Variants in ZFHX2 observed in about 807,000 individuals in gnomAD.
ZFHX2 encodes the protein zinc finger homeobox protein 2.
In ZFHX2, 75 loss-of-function variants were observed where a neutral mutation model predicts 164.8. The observed-to-expected ratio is 0.46, with a 90% CI of 0.38 to 0.55. The LOEUF (loss-of-function observed/expected upper bound fraction) is 0.55. ZFHX2 is among the 20% of genes least tolerant of loss of function. The pLI, the probability that ZFHX2 is intolerant of heterozygous loss-of-function variation, is 0.00. For synonymous variants in ZFHX2, 1,217 were observed against 1,351.4 expected (o/e 0.90, Z 2.18); for missense variants, 2,933 against 3,308.0 (o/e 0.89, Z 2.78).
chr14:23,548,395 C>CGGG (rs1881607512), intron 1 of ZFHX2: 1 of 152,216 alleles, frequency 6.6e-6, no homozygotes, highest in African/African-American at 2.4e-5. Flanking sequence ...ACCAATTCGA[C>CGGG]CCAGGCCCTG....
In ZFHX2 at chr14:23,523,300, G is replaced by C. The variant is rs1233528718; in HGVS notation, c.6642C>G (p.Leu2214=). Residue 2214 remains leucine (L), a synonymous_variant, in exon 9 of 10, where the codon CTC becomes CTG. Coordinates refer to ENST00000419474, the MANE Select transcript of ZFHX2 (RefSeq NM_033400.3). The surrounding 1 kb of genome is among the most constrained non-coding windows in gnomAD (Gnocchi z 4.1). ...PPATTPASMP[L]GAAPTLPRLA... ...GGCGAGGCAAGGTTGGGGCAGCCCC[G>C]AGGGGCATGGAGGCAGGTGTGGTGG... 2 of 1,446,186 alleles carry C rather than the reference G, an allele frequency of 1.4e-6. No homozygotes were observed. Among genetic ancestry groups the C allele is most frequent in the East Asian group, 5.0e-5 (2 of 40,142 alleles). 89.6% of individuals were successfully genotyped at this position (1,446,186 alleles called of 1,614,324 possible).
chr14:23,535,280 G>A lies in ZFHX2; in HGVS notation c.46C>T (p.Pro16Ser), dbSNP rs1342149916. Residue 16 changes from proline (P) to serine (S), a missense_variant, in exon 2 of 10, where the codon CCT becomes TCT. By Grantham distance (74) the Pro-to-Ser change is moderately conservative. Coordinates refer to ENST00000419474, the MANE Select transcript of ZFHX2 (RefSeq NM_033400.3). The surrounding 1 kb of genome is among the most constrained non-coding windows in gnomAD (Gnocchi z 4.5). ...GGCAGGGACGGGGCATTGTGCCCAG[G>A]GGAGGGGGTGGTACCAGTGGTAGAG... ...SASTTGTTPS[P>S]GHNAPSLPSD... The A allele has an allele frequency of 6.7e-7, 1 of 1,486,352 alleles. No individual in the cohort carries two copies. The highest frequency in any genetic ancestry group is 1.3e-5 in the South Asian group (1 of 76,196). The allele number at this position is 1,486,352 out of a possible 1,614,324, so 92.1% of individuals were successfully genotyped here. A position where few individuals can be genotyped will look rare whatever the true frequency, so the allele number is the denominator to read the frequency against.
rs1879996261 is a variant in ZFHX2, at chr14:23,535,038, C to A, written c.288G>T (p.Lys96Asn). Residue 96 changes from lysine to asparagine, a missense_variant, in exon 2 of 10, where the codon AAG (lysine) becomes AAT (asparagine). By Grantham distance (94) the Lys-to-Asn change is moderately conservative. Coordinates refer to ENST00000419474, the MANE Select transcript of ZFHX2 (RefSeq NM_033400.3). The surrounding 1 kb of genome is among the most constrained non-coding windows in gnomAD (Gnocchi z 4.5). Reference sequence around the variant, plus strand: ...GCCCTTCTTCTTCCTCCTCCTGCTCCTTGTCCTTTTCCACCCCTGGGTCAT... The same window carrying A: ...GCCCTTCTTCTTCCTCCTCCTGCTCATTGTCCTTTTCCACCCCTGGGTCAT... ...PPNDPGVEKDKEQEEEEEGLP... is the reference protein window; with the variant it reads ...PPNDPGVEKDNEQEEEEEGLP... 1 of 1,536,108 alleles carries A rather than the reference C, an allele frequency of 6.5e-7. No individual in the cohort carries two copies. The highest frequency in any genetic ancestry group is 8.7e-7 in the Non-Finnish European group (1 of 1,146,908).
intron 6 of ZFHX2, chr14:23,529,432 C>A (rs1467122455): frequency 4.9e-6 from 2 of 410,394 alleles, no homozygotes; most frequent in Non-Finnish European, 8.9e-6. Flanking sequence ...TGTACCCCCA[C>A]TCTTTCCTAC....
chr14:23,537,536 G>A lies in ZFHX2; in HGVS notation c.-49-2162C>T, dbSNP rs150891946. On this transcript the variant is annotated intron_variant, in intron 1 of 9. Coordinates refer to ENST00000419474, the MANE Select transcript of ZFHX2 (RefSeq NM_033400.3). ...CCCATTGTAGCTTCCCTCCTCCTGG[G>A]GTTCTAGCCAGGCATGAAGTCAGAG... Among the ~76,000 whole-genome samples the A allele has an allele frequency of 4.9e-4, 74 of 152,266 alleles. 1 individual carries two copies. In the East Asian group the frequency reaches 0.014, roughly 28 times the overall value.
chr14:23,522,962 A>G, intron 9 of ZFHX2, 21 bp from the exon 10 acceptor site: 1 of 1,435,988 alleles, frequency 7.0e-7, no homozygotes, highest in African/African-American at 1.4e-5. Context: ...GAAAGGAAGG[A>G]TGAAGGATTA....
chr14:23,552,641 G>C (rs1408671607), upstream of ZFHX2, among the ~76,000 whole-genome samples: 1 of 151,502 alleles, frequency 6.6e-6, no homozygotes. Context: ...TCACTCTGTC[G>C]CCCAGGCTGC....
At chr14:23,530,092 G>T (rs1183976084) in intron 5 of ZFHX2, 28 bp downstream of exon 5, 3 of 1,523,142 alleles carry the variant, frequency 2.0e-6, no homozygotes, top group Admixed American at 3.9e-5. Flanking sequence ...AAGGTAGGAG[G>T]ACTGGGGGGA....
upstream of ZFHX2, among the ~76,000 whole-genome samples, chr14:23,552,611 G>GT (rs1301326014): frequency 1.3e-5 from 2 of 149,534 alleles, no homozygotes; most frequent in Non-Finnish European, 1.5e-5. Flanking sequence ...TTGTTTGTTT[G>GT]TTTTTTTCTT....
intron 3 of ZFHX2, 81 bp from the exon 4 acceptor site, chr14:23,531,802 G>A: frequency 7.9e-7 from 1 of 1,267,334 alleles, no homozygotes; most frequent in South Asian, 3.1e-5. Flanking sequence ...TTTCTAGAGA[G>A]AGTCTTGCCC....
At chr14:23,529,513 G>A in intron 6 of ZFHX2, 197 bp downstream of exon 6, 1 of 595,060 alleles carries the variant, frequency 1.7e-6, no homozygotes, top group South Asian at 2.0e-5. Context: ...CTCCCTCTGT[G>A]CTTGACCCTG....
chr14:23,527,782 C>A lies in ZFHX2; in HGVS notation c.2957G>T (p.Ser986Ile). The change falls in exon 7 of 10, where the codon AGC becomes ATC. Residue 986 changes from serine to isoleucine, a missense_variant. Coordinates refer to ENST00000419474, the MANE Select transcript of ZFHX2 (RefSeq NM_033400.3). ...QTTVYCCPYCSFLSPESSQVR... is the reference protein window; with the variant it reads ...QTTVYCCPYCIFLSPESSQVR... ...CTGGCTGGACTCTGGGCTCAGGAAG[C>A]TGCAGTATGGACAGCAGTATACCTG... is the stretch of plus-strand genomic sequence containing the variant. 6.5e-7 allele frequency: 1 copy of A among 1,535,984 alleles called. No homozygotes were observed. The highest frequency in any genetic ancestry group is 8.7e-7 in the Non-Finnish European group (1 of 1,146,888).
chr14:23,535,228 G>C lies in ZFHX2; in HGVS notation c.98C>G (p.Pro33Arg). 2.6e-6 allele frequency: 4 copies of C among 1,524,392 alleles called. No homozygotes were observed. Among genetic ancestry groups the C allele is most frequent in the East Asian group, 4.9e-5 (2 of 40,568 alleles). 94.4% of individuals were successfully genotyped at this position (1,524,392 alleles called of 1,614,324 possible). A position where few individuals can be genotyped will look rare whatever the true frequency, so the allele number is the denominator to read the frequency against. ...LPSDTFSSST[P>R]SDPVTKDPPA... is the part of the protein sequence containing the mutation. ...GGGATCTTTGGTGACAGGATCAGAGGGGGTGCTGGAGGAGAAGGTGTCCGA... is the reference window on the plus strand; with the variant it reads ...GGGATCTTTGGTGACAGGATCAGAGCGGGTGCTGGAGGAGAAGGTGTCCGA... Residue 33 changes from proline to arginine, a missense_variant, in exon 2 of 10, where the codon CCC (proline) becomes CGC (arginine). Pro to Arg is a moderately radical substitution (Grantham distance 103). Transcript: ENST00000419474. The surrounding 1 kb of genome is among the most constrained non-coding windows in gnomAD (Gnocchi z 4.5).
At position 23,526,859 on chromosome 14, in the gene ZFHX2, C is replaced by G; in HGVS notation, c.3250G>C (p.Asp1084His). The G allele has an allele frequency of 6.5e-7, 1 of 1,530,664 alleles. No individual in the cohort carries two copies. Among genetic ancestry groups the G allele is most frequent in the Admixed American group, 2.0e-5 (1 of 50,004 alleles). 94.8% of individuals were successfully genotyped at this position (1,530,664 alleles called of 1,614,324 possible). The change falls in exon 8 of 10, where the codon GAC becomes CAC. Residue 1084 changes from aspartate (D) to histidine (H), a missense_variant. Physicochemically the swap from Asp to His is moderately conservative, Grantham distance 81 (BLOSUM62 -1). Coordinates refer to ENST00000419474, the MANE Select transcript of ZFHX2 (RefSeq NM_033400.3). ...THGPEPTPSRDQAAEGPNLTP... is the reference protein window; with the variant it reads ...THGPEPTPSRHQAAEGPNLTP... ...TTCCATTCCTTACCTGCTGCCTGGT[C>G]TCTGCTCGGTGTAGGCTCTGGCCCA...
Position 23,521,593 on chromosome 14 carries a change from G to T in ZFHX2, c.*369C>A, listed in dbSNP as rs1176104552. The T allele has an allele frequency of 1.4e-5, 3 of 216,736 alleles. No homozygotes were observed. Among genetic ancestry groups the T allele is most frequent in the Non-Finnish European group, 2.7e-5 (3 of 109,458 alleles). The allele number at this position is 216,736 out of a possible 1,614,324, so 13.4% of individuals were successfully genotyped here. ...GCATGTATGTGTATGCATTTATGGG[G>T]ATGGGGAGCTGGGAATTCAGTGAGG... On this transcript the variant is annotated 3_prime_UTR_variant, in exon 10 of 10. Coordinates refer to ENST00000419474, the MANE Select transcript of ZFHX2 (RefSeq NM_033400.3).
At chr14:23,530,529 TGTA>T in intron 4 of ZFHX2, 1 of 522,894 alleles carries the variant, frequency 1.9e-6, no homozygotes, top group Non-Finnish European at 3.6e-6. Context: ...CCCAGAGAAA[TGTA>T]GTAGGAGGGG....
chr14:23,522,771 G>T lies in ZFHX2; in HGVS notation c.6910C>A (p.Pro2304Thr). Residue 2304 changes from proline to threonine, a missense_variant, in exon 10 of 10, where the codon CCC becomes ACC. Physicochemically the swap from Pro to Thr is conservative, Grantham distance 38. Transcript: ENST00000419474. The stretch of plus-strand genomic sequence containing the variant: ...TCACTGGAGACCTTGTCCCCCAAGG[G>T]CTCAGTAGGAGGGCCTGGGACAGGG... ...TDPVPGPPTE[P>T]LGDKVSSERK... The T allele has an allele frequency of 6.5e-7, 1 of 1,536,468 alleles. No individual in the cohort carries two copies. The highest frequency in any genetic ancestry group is 8.7e-7 in the Non-Finnish European group (1 of 1,146,934).
At chr14:23,528,744 A>C in intron 6 of ZFHX2, 1 of 985,282 alleles carries the variant, frequency 1.0e-6, no homozygotes, top group Non-Finnish European at 1.2e-6. Flanking sequence ...CAGCTCCCCC[A>C]GTGGCCCAGG....
rs932537274 is a variant in ZFHX2 at position 23,529,606 on chromosome 14, A to C, written c.2934+104T>G. ...TTCTTAACTGTGCTATTCTGAGTGAAATAAGTCAAAGCATGACAAAATTAC... is the reference window on the plus strand; with the variant it reads ...TTCTTAACTGTGCTATTCTGAGTGACATAAGTCAAAGCATGACAAAATTAC... On this transcript the variant is annotated intron_variant, in intron 6 of 9. Coordinates refer to ENST00000419474, the MANE Select transcript of ZFHX2 (RefSeq NM_033400.3). The C allele has an allele frequency of 9.4e-6, 11 of 1,164,116 alleles. No individual in the cohort carries two copies. The African/African-American group carries it at 1.5e-4, about 16-fold the overall frequency. 72.1% of individuals were successfully genotyped at this position (1,164,116 alleles called of 1,614,324 possible). A position where few individuals can be genotyped will look rare whatever the true frequency, so the allele number is the denominator to read the frequency against.
Sources: gnomAD v4.1 joint callset for allele counts (sites outside exome capture counted in the v4.1 genomes callset) on GRCh38, gnomAD v4.1.1 for gene constraint, Gnocchi (gnomAD v3.1) non-coding constraint, MANE v1.5 for transcripts, NCBI Gene and HGNC (gene_info 2026-07-23, HGNC 2026-07-21) for gene names.